Variants in FREM2 observed in about 807,000 individuals in gnomAD.
FREM2 encodes FRAS1-related extracellular matrix protein 2.
In FREM2, 119 loss-of-function variants were observed where a neutral mutation model predicts 219.9. The ratio of observed to expected loss-of-function variants is 0.54; its 90% confidence interval spans 0.47 to 0.63. The LOEUF (loss-of-function observed/expected upper bound fraction) is 0.63, where lower values mean the gene tolerates loss of function less well. Among genes scored for constraint, FREM2 ranks in the 30% least tolerant of loss-of-function variants. The probability of loss-of-function intolerance (pLI) is 0.00; values close to 1 mark genes in which losing one functional copy is unlikely to be tolerated. For missense variants in FREM2, 4,030 were observed against 3,993.6 expected (o/e 1.01, Z -0.25); for synonymous variants, 1,562 against 1,522.8 (o/e 1.03, Z -0.60).
At chr13:38,730,560 G>A (rs1379945164) in intron 2 of FREM2, among the ~76,000 whole-genome samples, 1 of 152,154 alleles carries the variant, frequency 6.6e-6, no homozygotes, top group African/African-American at 2.4e-5. Flanking sequence ...TTAAGACTTG[G>A]CACTTTCTTG....
At chr13:38,732,813 A>G (rs751146260) in intron 2 of FREM2, among the ~76,000 whole-genome samples, 16 of 152,242 alleles carry the variant, frequency 1.1e-4, no homozygotes, top group Non-Finnish European at 2.2e-4. Flanking sequence ...GAGAATCTGT[A>G]GAGAACACTA....
chr13:38,767,617 A>G (rs1873493755), intron 3 of FREM2, among the ~76,000 whole-genome samples: 2 of 152,244 alleles, frequency 1.3e-5, no homozygotes, highest in Non-Finnish European at 2.9e-5. Context: ...TAGATGGGTC[A>G]GTGAGCAGCA....
rs1555270912 is a variant in FREM2 at position 38,837,775 on chromosome 13, G to GTTTT, written c.6020-8797_6020-8794dup. ...GGATTGCAACCCCTGGTTTTTTTTT[G>GTTTT]TTTTGTTTTGTTTTGTTTTTGCTTT... On this transcript the variant is annotated intron_variant, in intron 6 of 23. Transcript: ENST00000280481. 2.3e-3 allele frequency among the ~76,000 whole-genome samples: 293 copies of GTTTT among 128,760 alleles called. 6 individuals are homozygous for GTTTT. Among genetic ancestry groups the GTTTT allele is most frequent in the African/African-American group, 7.0e-3 (239 of 34,136 alleles). 84.5% of individuals were successfully genotyped at this position (128,760 alleles called of 152,430 possible).
Position 38,688,810 on chromosome 13 carries a change from A to G in FREM2, c.1466A>G (p.His489Arg), listed in dbSNP as rs1470291772. ...CTAGAGGTGGTGGCTGGGCTCCGGC[A>G]TGGTCACCTTGTCATTCTGGGTGCT... ...VRLEVVAGLR[H>R]GHLVILGASS... The change falls in exon 1 of 24, where the codon CAT (histidine) becomes CGT (arginine). Residue 489 changes from histidine (H) to arginine (R), a missense_variant. By Grantham distance (29) the His-to-Arg change is conservative. Around this residue, in one of 2 missense-constraint regions of FREM2, gnomAD observed 3,102 missense variants for 2,950.7 expected, o/e 1.05. Coordinates refer to ENST00000280481, the MANE Select transcript of FREM2 (RefSeq NM_207361.6). 14 of 1,613,860 alleles carry G rather than the reference A, an allele frequency of 8.7e-6. No individual in the cohort carries two copies. The highest frequency in any genetic ancestry group is 6.7e-5 in the East Asian group (3 of 44,874).
chr13:38,785,756 A>G (rs1048392956), intron 6 of FREM2, among the ~76,000 whole-genome samples: 1 of 152,158 alleles, frequency 6.6e-6, no homozygotes, highest in Non-Finnish European at 1.5e-5. Flanking sequence ...ACATTCTTTT[A>G]AAAAGACCTT....
intron 6 of FREM2, among the ~76,000 whole-genome samples, chr13:38,803,845 A>G (rs1251305532): frequency 6.6e-6 from 1 of 151,556 alleles, no homozygotes; most frequent in Non-Finnish European, 1.5e-5. Context: ...GACATCAGAA[A>G]AGCTTTCTCA....
chr13:38,771,317 G>C (rs1873652469), intron 4 of FREM2, among the ~76,000 whole-genome samples: 2 of 152,036 alleles, frequency 1.3e-5, no homozygotes, highest in South Asian at 2.1e-4. Context: ...GAAAAATAAA[G>C]CTTTTCTCTT....
rs1389593747 is a variant in FREM2 at position 38,687,740 on chromosome 13, C to T, written c.396C>T (p.Gly132=). 3.2e-6 allele frequency: 5 copies of T among 1,544,810 alleles called. No individual in the cohort carries two copies. Among genetic ancestry groups the T allele is most frequent in the Admixed American group, 3.8e-5 (2 of 53,134 alleles). Residue 132 remains glycine, a synonymous_variant, in exon 1 of 24, where the codon GGC becomes GGT. Transcript: ENST00000280481. ...LSPKRFPCDF[G]PGEVRYSHLG... ...CCAAGCGCTTCCCGTGCGACTTTGG[C>T]CCTGGCGAGGTGCGCTACTCTCACC... is the stretch of plus-strand genomic sequence containing the variant.
chr13:38,803,767 A>G (rs1274028432), intron 6 of FREM2, among the ~76,000 whole-genome samples: 2 of 149,956 alleles, frequency 1.3e-5, no homozygotes, highest in East Asian at 1.9e-4. Context: ...AGCCAGGCAC[A>G]TGTAAAAGGC....
At chr13:38,872,285 G>A (rs950730138) in intron 16 of FREM2, among the ~76,000 whole-genome samples, 1 of 152,162 alleles carries the variant, frequency 6.6e-6, no homozygotes, top group Non-Finnish European at 1.5e-5. Context: ...AGGGACTGAC[G>A]GGGAGGAGGG....
chr13:38,886,590 G>T lies in FREM2; in HGVS notation c.*5803G>T, dbSNP rs1878740665. On this transcript the variant is annotated 3_prime_UTR_variant, in exon 24 of 24. Coordinates refer to ENST00000280481, the MANE Select transcript of FREM2 (RefSeq NM_207361.6). ...TTTTTGTATTTTTAGTAGAGACAGGGTTTCTCCATGTTGGTCAGGCTGATC... is the reference window on the plus strand; with the variant it reads ...TTTTTGTATTTTTAGTAGAGACAGGTTTTCTCCATGTTGGTCAGGCTGATC... The T allele has an allele frequency of 6.6e-6, 1 of 152,040 alleles. No individual in the cohort carries two copies. Among genetic ancestry groups the T allele is most frequent in the Non-Finnish European group, 1.5e-5 (1 of 68,038 alleles). 9.4% of individuals were successfully genotyped at this position (152,040 alleles called of 1,614,324 possible). A position where few individuals can be genotyped will look rare whatever the true frequency, so the allele number is the denominator to read the frequency against.
intron 6 of FREM2, among the ~76,000 whole-genome samples, chr13:38,823,181 C>A (rs984941291): frequency 6.6e-6 from 1 of 151,940 alleles, no homozygotes; most frequent in Admixed American, 6.6e-5. Context: ...TCCTTCATAT[C>A]TCTAAATATT....
Position 38,880,807 on chromosome 13 carries a change from A to G in FREM2, c.*20A>G, listed in dbSNP as rs952875309. On this transcript the variant is annotated 3_prime_UTR_variant, in exon 24 of 24. Coordinates refer to ENST00000280481, the MANE Select transcript of FREM2 (RefSeq NM_207361.6). Reference sequence around the variant, plus strand: ...GTTTGATGACTGCAGGTAGAATTCAACCTTTTCCGTAAGTGCCTCGGAAAA... The same window carrying G: ...GTTTGATGACTGCAGGTAGAATTCAGCCTTTTCCGTAAGTGCCTCGGAAAA... 3 of 1,613,758 alleles carry G rather than the reference A, an allele frequency of 1.9e-6. No individual in the cohort carries two copies. Among genetic ancestry groups the G allele is most frequent in the African/African-American group, 1.3e-5 (1 of 75,038 alleles).
chr13:38,721,809 A>G (rs1366504930), intron 2 of FREM2, among the ~76,000 whole-genome samples: 4 of 152,186 alleles, frequency 2.6e-5, no homozygotes, highest in East Asian at 3.8e-4. Context: ...TCTTGATAGT[A>G]CTAAAATCTA....
chr13:38,825,894 G>T (rs577865301), intron 6 of FREM2, among the ~76,000 whole-genome samples: 2 of 152,114 alleles, frequency 1.3e-5, no homozygotes, highest in African/African-American at 2.4e-5. Flanking sequence ...TATTAGACAG[G>T]TTTTTATTCT....
intron 10 of FREM2, among the ~76,000 whole-genome samples, chr13:38,851,381 A>G (rs529767277): frequency 1.3e-5 from 2 of 152,338 alleles, no homozygotes; most frequent in South Asian, 2.1e-4. Context: ...CCTTGGGTAC[A>G]GGGGGACCAA....
At chr13:38,807,189 T>A (rs9566364) in intron 6 of FREM2, among the ~76,000 whole-genome samples, 2,504 of 44,966 alleles carry the variant, frequency 0.056, 424 homozygotes, top group Middle Eastern at 0.1. Context: ...CTTGTCTCTG[T>A]TATATATATA....
Position 38,880,515 on chromosome 13 carries a change from C to T in FREM2, c.9238C>T (p.Leu3080=), listed in dbSNP as rs138154238. The change falls in exon 24 of 24, where the codon CTG becomes TTG. Residue 3080 remains leucine, a synonymous_variant. Transcript: ENST00000280481. The part of the protein sequence containing the change: ...SRGTNIQHIA[L]DRTKRQIPHG... ...AGGAACAAACATCCAGCACATTGCC[C>T]TGGACCGCACCAAGAGGCAGATCCC... 151 of 1,614,038 alleles carry T rather than the reference C, an allele frequency of 9.4e-5. No homozygotes were observed. Among genetic ancestry groups the T allele is most frequent in the Non-Finnish European group, 3.6e-5 (43 of 1,180,036 alleles).
At chr13:38,827,557 A>AG (rs1876341217) in intron 6 of FREM2, 1 of 152,168 alleles carries the variant, frequency 6.6e-6, no homozygotes, top group Non-Finnish European at 1.5e-5. Flanking sequence ...GACGAACAAT[A>AG]GGTGATTCCT....
Sources: gnomAD v4.1 joint callset for allele counts (sites outside exome capture counted in the v4.1 genomes callset) on GRCh38, gnomAD v4.1.1 for gene constraint, gnomAD v4.1.1 regional missense constraint, MANE v1.5 for transcripts, NCBI Gene and HGNC (gene_info 2026-07-23, HGNC 2026-07-21) for gene names.